The following SV2C variants were observed in gnomAD, a reference collection of about 807,000 sequenced individuals.
SV2C encodes the protein synaptic vesicle glycoprotein 2C.
A neutral mutation model predicts 79.7 loss-of-function variants in SV2C; 49 were observed. The ratio of observed to expected loss-of-function variants is 0.61; its 90% CI spans 0.49 to 0.78. The LOEUF (loss-of-function observed/expected upper bound fraction) is 0.78, where lower values mean the gene tolerates loss of function less well. Among genes scored for constraint, SV2C ranks in the 30% least tolerant of loss-of-function variants. The pLI is 0.00. For synonymous variants in SV2C, 334 were observed against 333.2 expected (o/e 1.00, Z -0.03); for missense variants, 833 against 912.9 (o/e 0.91, Z 1.13).
intron 4 of SV2C, among the ~76,000 whole-genome samples, chr5:76,270,483 G>A (rs143130667): frequency 6.6e-6 from 1 of 152,338 alleles, no homozygotes; most frequent in East Asian, 1.9e-4. Context: ...GTGGGCTGGA[G>A]ATTTGCATTT....
intron 2 of SV2C, among the ~76,000 whole-genome samples, chr5:76,161,748 G>A (rs936445233): frequency 2.0e-5 from 3 of 152,136 alleles, no homozygotes; most frequent in Non-Finnish European, 4.4e-5. Flanking sequence ...TTAAATGGAT[G>A]AATTAGTACA....
intron 2 of SV2C, among the ~76,000 whole-genome samples, chr5:76,191,066 G>T (rs12523312): frequency 0.045 from 6,363 of 141,576 alleles, 604 homozygotes; most frequent in East Asian, 0.36. Flanking sequence ...TCACAGTTCT[G>T]CAGGCTGTAC....
At chr5:76,093,722 A>C (rs1051245311) in intron 1 of SV2C, among the ~76,000 whole-genome samples, 1 of 152,096 alleles carries the variant, frequency 6.6e-6, no homozygotes, top group Admixed American at 6.5e-5. Context: ...AGCACATTGC[A>C]TTCATCCCTC....
At chr5:76,137,324 G>A (rs531807061) in intron 2 of SV2C, among the ~76,000 whole-genome samples, 2 of 152,190 alleles carry the variant, frequency 1.3e-5, no homozygotes, top group African/African-American at 4.8e-5. Flanking sequence ...GGGTGACAGA[G>A]GTGTCAGAAT....
At chr5:76,017,113 G>T in the SV2C span, among the ~76,000 whole-genome samples, 3 of 152,156 alleles carry the variant, frequency 2.0e-5, no homozygotes, top group Admixed American at 2.0e-4. Flanking sequence ...AATATTCATT[G>T]TCTCTTTTTC....
At chr5:76,256,853 C>CA (rs1327836462) in intron 4 of SV2C, among the ~76,000 whole-genome samples, 1 of 152,144 alleles carries the variant, frequency 6.6e-6, no homozygotes, top group East Asian at 1.9e-4. Flanking sequence ...CTCACAAGGC[C>CA]AAAAAACTTG....
chr5:75,938,450 A>G, the SV2C span, among the ~76,000 whole-genome samples: 2 of 152,210 alleles, frequency 1.3e-5, no homozygotes, highest in Non-Finnish European at 2.9e-5. Flanking sequence ...TAATCATAAA[A>G]TGGAACACCT....
At chr5:76,131,296 G>A (rs1002853964) in intron 1 of SV2C, among the ~76,000 whole-genome samples, 1 of 152,090 alleles carries the variant, frequency 6.6e-6, no homozygotes, top group Admixed American at 6.6e-5. Context: ...CTCAATCAAG[G>A]TATATGCTTG....
At chr5:76,000,260 C>T in the SV2C span, among the ~76,000 whole-genome samples, 1 of 152,030 alleles carries the variant, frequency 6.6e-6, no homozygotes, top group African/African-American at 2.4e-5. Flanking sequence ...AGGTACCCAC[C>T]CCTACATATA....
chr5:76,021,348 A>G, the SV2C span, among the ~76,000 whole-genome samples: 794 of 152,372 alleles, frequency 5.2e-3, 10 homozygotes, highest in African/African-American at 0.018. Context: ...TTAAAGCAAC[A>G]TTCCCAAGCA....
At chr5:76,302,799 C>A (rs927173740) in intron 12 of SV2C, among the ~76,000 whole-genome samples, 1 of 151,754 alleles carries the variant, frequency 6.6e-6, no homozygotes, top group African/African-American at 2.4e-5. Flanking sequence ...ATGGACTTTG[C>A]CTTCATGTAC....
the SV2C span, among the ~76,000 whole-genome samples, chr5:75,895,522 G>C: frequency 6.6e-6 from 1 of 152,226 alleles, no homozygotes; most frequent in African/African-American, 2.4e-5. Flanking sequence ...AAGCATGATG[G>C]TGGGGAATTG....
chr5:75,894,266 A>G, the SV2C span, among the ~76,000 whole-genome samples: 1 of 152,050 alleles, frequency 6.6e-6, no homozygotes, highest in Non-Finnish European at 1.5e-5. Flanking sequence ...GAACACTGGC[A>G]TACTTGTCAG....
chr5:76,281,058 G>A (rs1747178335), intron 4 of SV2C: 9 of 541,622 alleles, frequency 1.7e-5, no homozygotes. Flanking sequence ...CCCTGGCCAG[G>A]TTAAGTAACT....
chr5:75,952,282 C>CCTTCCTTT, the SV2C span, among the ~76,000 whole-genome samples: 2 of 127,304 alleles, frequency 1.6e-5, no homozygotes, highest in African/African-American at 5.7e-5. Flanking sequence ...TTCCTTCCTT[C>CCTTCCTTT]CTTCCTTTCT....
chr5:76,260,518 A>G (rs1254469358), intron 4 of SV2C, among the ~76,000 whole-genome samples: 2 of 152,212 alleles, frequency 1.3e-5, no homozygotes, highest in Non-Finnish European at 2.9e-5. Context: ...GTCTATGCCC[A>G]TGCCTATGTA....
intron 2 of SV2C, among the ~76,000 whole-genome samples, chr5:76,176,328 T>C (rs1284887405): frequency 6.6e-6 from 1 of 152,254 alleles, no homozygotes; most frequent in African/African-American, 2.4e-5. Flanking sequence ...CGGTTTTGTT[T>C]CATCCTGTCT....
In SV2C at chr5:76,300,789, A is replaced by T. The variant is rs1420059706; in HGVS notation, c.1697A>T (p.Lys566Met). The change falls in exon 11 of 13, where the codon AAG becomes ATG. Residue 566 changes from lysine to methionine, a missense_variant. Lys to Met is a moderately conservative substitution (Grantham distance 95, BLOSUM62 -1). Transcript: ENST00000502798. Reference protein sequence around the residue: ...EFKNCSFFHNKTGCQITFDDD... With the variant: ...EFKNCSFFHNMTGCQITFDDD... ...AAAAACTGCTCGTTTTTTCACAACAAGACGGGATGTCAGATTACCTTTGAT... is the reference window on the plus strand; with the variant it reads ...AAAAACTGCTCGTTTTTTCACAACATGACGGGATGTCAGATTACCTTTGAT... The T allele has an allele frequency of 6.2e-7, 1 of 1,614,202 alleles. No individual in the cohort carries two copies. The highest frequency in any genetic ancestry group is 2.2e-5 in the East Asian group (1 of 44,886).
chr5:75,914,551 G>T, the SV2C span, among the ~76,000 whole-genome samples: 1 of 152,088 alleles, frequency 6.6e-6, no homozygotes, highest in Non-Finnish European at 1.5e-5. Context: ...TGTTACAGAG[G>T]GAATGGAGAG....
Sources: allele counts gnomAD v4.1 joint callset (sites outside exome capture counted in the v4.1 genomes callset), GRCh38; gene constraint gnomAD v4.1.1; transcripts MANE v1.5; gene names NCBI Gene and HGNC (gene_info 2026-07-23, HGNC 2026-07-21).